INCA1: variants seen among roughly 807,000 people sequenced by gnomAD.
The protein encoded by INCA1 is inhibitor of CDK, cyclin A1 interacting protein 1, also known as protein INCA1.
In INCA1, 28 loss-of-function variants were observed where a neutral mutation model predicts 25.7. The observed-to-expected ratio is 1.09, with a 90% confidence interval of 0.81 to 1.49. The LOEUF is 1.49. Among genes scored for constraint, INCA1 ranks in the 40% most tolerant of loss-of-function variants. The pLI, the probability that INCA1 is intolerant of heterozygous loss-of-function variation, is 0.00. For synonymous variants in INCA1, 111 were observed against 103.6 expected, an observed-to-expected ratio of 1.07 and a Z score of -0.43; for missense variants, 309 against 290.9, an observed-to-expected ratio of 1.06 and a Z score of -0.45.
chr17:4,994,265 T>C, intron 2 of INCA1, 129 bp downstream of exon 2: 1 of 834,148 alleles, frequency 1.2e-6, no homozygotes. Context: ...AATTAATGAA[T>C]CATCAATCCC....
At chr17:4,988,740 ATCAC>A (rs773074802) in intron 6 of INCA1, 35 bp downstream of exon 6, 8 of 1,611,302 alleles carry the variant, frequency 5.0e-6, no homozygotes, top group Admixed American at 1.7e-5. Flanking sequence ...AGAGACCCAC[ATCAC>A]TCCCTCACTC....
exon 7 of INCA1, chr17:4,988,222 A>C: frequency 1.8e-6 from 1 of 558,814 alleles, no homozygotes; most frequent in Non-Finnish European, 3.0e-6. Context: ...CTCCTGTGAG[A>C]GCGGTGGGTT....
chr17:4,996,780 T>C (rs1414373859), intron 1 of INCA1: 1 of 151,080 alleles, frequency 6.6e-6, no homozygotes, highest in Admixed American at 6.7e-5. Flanking sequence ...CTAGTATTTA[T>C]CCAAGGGAAC....
chr17:4,994,174 C>G (rs1567712515), intron 2 of INCA1, among the ~76,000 whole-genome samples: 2 of 152,198 alleles, frequency 1.3e-5, no homozygotes, highest in Non-Finnish European at 2.9e-5. Flanking sequence ...AAGAGCAGGA[C>G]CCCTATCCTG....
In INCA1 at chr17:4,989,031, TC is replaced by T. The variant is rs1973600774; in HGVS notation, c.396-88del. ...CTTCACCTTTCTGTTCTGAAATACT[TC>T]CTGCTGGGACTCCAGGGAGTTGTCA... On this transcript the variant is annotated intron_variant, in intron 5 of 6. Transcript: ENST00000576820. The T allele has an allele frequency of 5.1e-6, 7 of 1,369,760 alleles. No homozygotes were observed. The Admixed American group carries it at 1.3e-4, about 25-fold the overall frequency. The allele number at this position is 1,369,760 out of a possible 1,614,324, so 84.9% of individuals were successfully genotyped here.
Position 4,988,773 on chromosome 17 carries a change from CA to C in INCA1, c.561+5del. ...CTCACTCCACCCAGTTCCACTCCAA[CA>C]ATACCTGGGCCCTGCCAGGAGTGAG... On this transcript the variant is annotated splice_donor_5th_base_variant and intron_variant, in intron 6 of 6. Coordinates refer to ENST00000576820, the Ensembl canonical transcript of INCA1. 1 of 1,614,166 alleles carries C rather than the reference CA, an allele frequency of 6.2e-7. No individual in the cohort carries two copies. The highest frequency in any genetic ancestry group is 8.5e-7 in the Non-Finnish European group (1 of 1,179,998).
At chr17:4,990,646 C>A (rs1431868142) in intron 2 of INCA1, among the ~76,000 whole-genome samples, 1 of 151,948 alleles carries the variant, frequency 6.6e-6, no homozygotes, top group East Asian at 1.9e-4. Context: ...CTTTGGGAGG[C>A]TGATGTGGGT....
intron 2 of INCA1, among the ~76,000 whole-genome samples, chr17:4,990,865 A>T (rs1298170221): frequency 6.6e-6 from 1 of 150,428 alleles, no homozygotes; most frequent in Non-Finnish European, 1.5e-5. Flanking sequence ...CTTGGGTGAC[A>T]AGAGAGAAAC....
At chr17:4,988,155 G>A (rs1157974708), downstream of INCA1, 3 of 412,558 alleles carry the variant, frequency 7.3e-6, no homozygotes, top group South Asian at 5.1e-5. Flanking sequence ...TTTAATAACA[G>A]AGCAGAGAGA....
At chr17:4,988,655 AC>A in intron 6 of INCA1, 101 bp from the exon 7 acceptor site, 1 of 1,567,772 alleles carries the variant, frequency 6.4e-7, no homozygotes, top group Non-Finnish European at 8.7e-7. Context: ...TCTGGTTCTC[AC>A]CTACGTTATT....
At chr17:4,994,310 T>C in intron 2 of INCA1, 84 bp downstream of exon 2, 1 of 1,279,622 alleles carries the variant, frequency 7.8e-7, no homozygotes, top group Non-Finnish European at 1.1e-6. Flanking sequence ...GTTCTTTATT[T>C]CCTAATCCTC....
At chr17:4,989,797 C>A (rs1425003114) in intron 4 of INCA1, 93 bp downstream of exon 4, 1 of 1,592,624 alleles carries the variant, frequency 6.3e-7, no homozygotes, top group Middle Eastern at 1.8e-4. Flanking sequence ...TGGGGAATAA[C>A]AGAGGGAAGC....
exon 6 of INCA1, chr17:4,988,935 C>T: frequency 6.2e-7 from 1 of 1,613,708 alleles, no homozygotes; most frequent in Admixed American, 1.7e-5. Context: ...CCCACTGGGC[C>T]TTCTTCAGTC....
intron 2 of INCA1, among the ~76,000 whole-genome samples, chr17:4,993,338 C>A (rs1204020554): frequency 6.6e-6 from 1 of 151,998 alleles, no homozygotes; most frequent in Non-Finnish European, 1.5e-5. Context: ...CGCCACCACA[C>A]TTGGCTAATT....
Position 4,994,366 on chromosome 17 carries a change from A to G in INCA1, c.44+28T>C, listed in dbSNP as rs115906935. 1,142 of 1,611,140 alleles carry G rather than the reference A, an allele frequency of 7.1e-4. 10 individuals are homozygous for G. In the African/African-American group the frequency reaches 0.014, roughly 20 times the overall value. On this transcript the variant is annotated intron_variant, in intron 2 of 6. Coordinates refer to ENST00000576820, the Ensembl canonical transcript of INCA1. ...GCAATATCCCCTCCATCCCATCCCC[A>G]TGCTCCCCACCCAGTGGGAGGACTC...
At chr17:4,992,989 C>T (rs899842130) in intron 2 of INCA1, among the ~76,000 whole-genome samples, 7 of 152,074 alleles carry the variant, frequency 4.6e-5, no homozygotes, top group Non-Finnish European at 5.9e-5. Context: ...AAGTGATTCT[C>T]CTGCCTCAGC....
At chr17:4,996,169 G>A (rs1245701634) in intron 1 of INCA1, among the ~76,000 whole-genome samples, 3 of 152,088 alleles carry the variant, frequency 2.0e-5, no homozygotes, top group Non-Finnish European at 2.9e-5. Flanking sequence ...TGGATTGCTC[G>A]AGCCCAGGAG....
intron 2 of INCA1, among the ~76,000 whole-genome samples, chr17:4,991,101 A>G (rs1973845681): frequency 6.6e-6 from 1 of 151,556 alleles, no homozygotes; most frequent in African/African-American, 2.4e-5. Context: ...TATTTTTAGT[A>G]GAGACGGGGT....
Position 4,989,883 on chromosome 17 carries a change from G to A in INCA1, c.198+7C>T. ...AGAAATGTTAAACGGCAGAGGGTCTGTCTTACCAGCATGGGTGGAATGTGC... is the reference window on the plus strand; with the variant it reads ...AGAAATGTTAAACGGCAGAGGGTCTATCTTACCAGCATGGGTGGAATGTGC... On this transcript the variant is annotated splice_region_variant and intron_variant, in intron 4 of 6. Transcript: ENST00000576820. 2.5e-6 allele frequency: 4 copies of A among 1,614,214 alleles called. No individual in the cohort carries two copies. The highest frequency in any genetic ancestry group is 3.4e-6 in the Non-Finnish European group (4 of 1,180,036).
Sources: allele counts gnomAD v4.1 joint callset (sites outside exome capture counted in the v4.1 genomes callset), GRCh38; gene constraint gnomAD v4.1.1; transcripts MANE v1.5; gene names NCBI Gene and HGNC (gene_info 2026-07-23, HGNC 2026-07-21).